NCAPG2: variants seen among roughly 807,000 people sequenced by gnomAD.
The protein encoded by NCAPG2 is condensin-2 complex subunit G2.
NCAPG2 carries 53 observed loss-of-function variants against 141.1 expected under a neutral mutation model. The ratio of observed to expected loss-of-function variants is 0.38; its 90% CI spans 0.30 to 0.47. NCAPG2 has a LOEUF of 0.47. NCAPG2 is among the 20% of genes least tolerant of loss of function. The pLI is 0.99. For missense variants in NCAPG2, 1,087 were observed against 1,389.0 expected (o/e 0.78, Z 3.46); for synonymous variants, 499 against 490.7 (o/e 1.02, Z -0.22).
In NCAPG2 at chr7:158,701,363, C is replaced by T. The variant is rs74574586; in HGVS notation, c.78+459G>A. 4.9e-3 allele frequency among the ~76,000 whole-genome samples: 743 copies of T among 152,230 alleles called. 40 individuals carry two copies. The East Asian group carries it at 0.11, about 23-fold the overall frequency. ...TTTTTCTCCTTACCTCTATTTTGTC[C>T]ACTAGTTCTCTCTCCTTCTCTTTTG... On this transcript the variant is annotated intron_variant, in intron 2 of 27. Coordinates refer to ENST00000356309, the MANE Select transcript of NCAPG2 (RefSeq NM_017760.7).
At chr7:158,663,466 G>A (rs916389299) in intron 15 of NCAPG2, among the ~76,000 whole-genome samples, 2 of 152,230 alleles carry the variant, frequency 1.3e-5, no homozygotes, top group African/African-American at 4.8e-5. Flanking sequence ...CCATCACGGT[G>A]TGGTGGGAGA....
chr7:158,644,861 T>C (rs182636423), intron 26 of NCAPG2, among the ~76,000 whole-genome samples: 1 of 152,298 alleles, frequency 6.6e-6, no homozygotes, highest in Admixed American at 6.5e-5. Context: ...TCTGCAGATA[T>C]CCTATCCATT....
At chr7:158,636,975 C>T (rs373220806) in intron 27 of NCAPG2, among the ~76,000 whole-genome samples, 9 of 151,412 alleles carry the variant, frequency 5.9e-5, no homozygotes, top group South Asian at 2.1e-4. Context: ...TGAGACGGAG[C>T]CCTGCTCTGT....
chr7:158,688,603 G>T (rs1834928665), intron 6 of NCAPG2, among the ~76,000 whole-genome samples: 2 of 152,206 alleles, frequency 1.3e-5, no homozygotes, highest in African/African-American at 2.4e-5. Context: ...CTCCCCAGGG[G>T]TTCTTATCCA....
chr7:158,702,366 CACT>C (rs1211022045), intron 1 of NCAPG2: 2 of 157,364 alleles, frequency 1.3e-5, no homozygotes, highest in Non-Finnish European at 2.8e-5. Context: ...AAAAAAATCC[CACT>C]GTTAGTGTCA....
intron 19 of NCAPG2, among the ~76,000 whole-genome samples, chr7:158,655,730 T>A (rs1831901747): frequency 6.6e-6 from 1 of 152,288 alleles, no homozygotes; most frequent in Non-Finnish European, 1.5e-5. Context: ...CCAGGCCCCG[T>A]CCTCCCCATC....
intron 1 of NCAPG2, among the ~76,000 whole-genome samples, 161 bp downstream of exon 1, chr7:158,704,563 A>G (rs1836047219): frequency 3.3e-5 from 5 of 152,180 alleles, no homozygotes; most frequent in Admixed American, 3.3e-4. Context: ...AGTTCCGTCC[A>G]GTTCCGTCAG....
chr7:158,655,026 G>A lies in NCAPG2; in HGVS notation c.2646+92C>T, dbSNP rs545633975. Reference sequence around the variant, plus strand: ...GTAAGTTTTTAAGAATAACACTAATGTCTAAAATTACCACTCTAAAGTAGA... The same window carrying A: ...GTAAGTTTTTAAGAATAACACTAATATCTAAAATTACCACTCTAAAGTAGA... On this transcript the variant is annotated intron_variant, in intron 21 of 27. Transcript: ENST00000356309. The A allele has an allele frequency of 5.1e-4, 726 of 1,426,178 alleles. 6 individuals are homozygous for A. Among genetic ancestry groups the A allele is most frequent in the Middle Eastern group, 4.1e-3 (16 of 3,872 alleles). The allele number at this position is 1,426,178 out of a possible 1,614,324, so 88.3% of individuals were successfully genotyped here. A position where few individuals can be genotyped will look rare whatever the true frequency, so the allele number is the denominator to read the frequency against.
At chr7:158,660,397 C>CTTTTTT (rs1563525366) in intron 16 of NCAPG2, among the ~76,000 whole-genome samples, 4 of 111,268 alleles carry the variant, frequency 3.6e-5, no homozygotes, top group African/African-American at 1.7e-4. Context: ...ATTATTTCAG[C>CTTTTTT]TTTCTTTTTT....
intron 16 of NCAPG2, 50 bp from the exon 17 acceptor site, chr7:158,658,458 A>G: frequency 6.8e-7 from 1 of 1,475,414 alleles, no homozygotes; most frequent in Non-Finnish European, 9.1e-7. Flanking sequence ...AGCACTATAA[A>G]TTCTGAAAGT....
intron 2 of NCAPG2, 138 bp from the exon 3 acceptor site, chr7:158,693,635 C>A (rs1835265599): frequency 2.8e-6 from 2 of 701,894 alleles, no homozygotes; most frequent in African/African-American, 1.8e-5. Context: ...AAAATCCATT[C>A]CTAAAAGGGA....
At chr7:158,639,734 A>G (rs1830510348) in intron 27 of NCAPG2, 1 of 504,284 alleles carries the variant, frequency 2.0e-6, no homozygotes, top group Non-Finnish European at 2.6e-6. Context: ...GAAGTTACCA[A>G]CTAATGCTGA....
intron 16 of NCAPG2, among the ~76,000 whole-genome samples, chr7:158,660,029 G>A (rs964588615): frequency 3.3e-5 from 5 of 151,830 alleles, no homozygotes; most frequent in Admixed American, 2.0e-4. Context: ...GGAAAATGGC[G>A]TGAACCCGGG....
intron 22 of NCAPG2, among the ~76,000 whole-genome samples, chr7:158,653,540 T>C (rs1831659875): frequency 6.6e-6 from 1 of 152,140 alleles, no homozygotes; most frequent in East Asian, 1.9e-4. Flanking sequence ...CTGGCTCCAG[T>C]GTTCTCCTAG....
chr7:158,654,906 C>G (rs982997011), intron 21 of NCAPG2: 2 of 1,127,246 alleles, frequency 1.8e-6, no homozygotes, highest in African/African-American at 1.6e-5. Flanking sequence ...CAAACATAAT[C>G]GAACACCTCT....
rs1386829461 is a variant in NCAPG2 at position 158,633,024 on chromosome 7, C to T, written c.3381-1307G>A. On this transcript the variant is annotated intron_variant, in intron 27 of 27. Coordinates refer to ENST00000356309, the MANE Select transcript of NCAPG2 (RefSeq NM_017760.7). The surrounding 1 kb of genome is among the most constrained non-coding windows in gnomAD (Gnocchi z 4.1). The stretch of plus-strand genomic sequence containing the variant: ...AAAATTTTAAGATTTTCTCTTTATT[C>T]CTGGAATTTAGGAATCTTATCCATA... Among the ~76,000 whole-genome samples the T allele has an allele frequency of 6.6e-6, 1 of 152,038 alleles. No homozygotes were observed. The highest frequency in any genetic ancestry group is 2.4e-5 in the African/African-American group (1 of 41,370).
intron 22 of NCAPG2, among the ~76,000 whole-genome samples, chr7:158,654,380 G>C (rs566031444): frequency 6.6e-6 from 1 of 152,256 alleles, no homozygotes; most frequent in South Asian, 2.1e-4. Flanking sequence ...GAATCCCAAG[G>C]ACCCTGTCAC....
chr7:158,637,571 T>TCTGGCCCA (rs1830359247), intron 27 of NCAPG2, among the ~76,000 whole-genome samples: 1 of 152,228 alleles, frequency 6.6e-6, no homozygotes, highest in African/African-American at 2.4e-5. Context: ...GCTTTCCAGC[T>TCTGGCCCA]CCGGCTCCAG....
At chr7:158,681,512 T>C (rs538968259) in intron 9 of NCAPG2, among the ~76,000 whole-genome samples, 3 of 152,328 alleles carry the variant, frequency 2.0e-5, no homozygotes, top group South Asian at 4.1e-4. Flanking sequence ...AACATGAAAA[T>C]TTTGAAAGAT....
Sources: allele counts gnomAD v4.1 joint callset (sites outside exome capture counted in the v4.1 genomes callset), GRCh38; gene constraint gnomAD v4.1.1; non-coding constraint Gnocchi (gnomAD v3.1); transcripts MANE v1.5; gene names NCBI Gene and HGNC (gene_info 2026-07-23, HGNC 2026-07-21).